BAZ1A: variants seen among roughly 807,000 people sequenced by gnomAD.
The protein encoded by BAZ1A is bromodomain adjacent to zinc finger domain 1A.
In BAZ1A, 50 loss-of-function variants were observed where a neutral mutation model predicts 185.2. The ratio of observed to expected loss-of-function variants is 0.27; its 90% CI spans 0.22 to 0.34. The LOEUF (loss-of-function observed/expected upper bound fraction) is 0.34. Among genes scored for constraint, BAZ1A ranks in the 10% least tolerant of loss-of-function variants. The pLI, the probability that BAZ1A is intolerant of heterozygous loss-of-function variation, is 1.00. For missense variants in BAZ1A, 1,356 were observed against 1,839.9 expected, an observed-to-expected ratio of 0.74 and a Z score of 4.81; for synonymous variants, 571 against 615.6, an observed-to-expected ratio of 0.93 and a Z score of 1.07.
At chr14:34,768,089 A>G (rs1878970224) in intron 21 of BAZ1A, among the ~76,000 whole-genome samples, 1 of 152,162 alleles carries the variant, frequency 6.6e-6, no homozygotes, top group Admixed American at 6.5e-5. Flanking sequence ...CTTTCCCCCC[A>G]GATTACACAA....
In BAZ1A at chr14:34,862,221, T is replaced by C; in HGVS notation, c.215A>G (p.Lys72Arg). The C allele has an allele frequency of 6.2e-7, 1 of 1,614,184 alleles. No homozygotes were observed. The highest frequency in any genetic ancestry group is 8.5e-7 in the Non-Finnish European group (1 of 1,180,032). Residue 72 changes from lysine to arginine, a missense_variant, in exon 3 of 27, where the codon AAA (lysine) becomes AGA (arginine). Lys to Arg is a conservative substitution (Grantham distance 26). Around this residue, in one of 7 missense-constraint regions of BAZ1A, gnomAD observed 332 missense variants for 395.3 expected, o/e 0.84. Transcript: ENST00000360310. ...ACTCTGAAGATTCTGTCTTGCTTTT[T>C]TTTCTGACTCAAGTGCTTCCTGATA... ...LTYQEALESE[K>R]KARQNLQSFP... is the part of the protein sequence containing the mutation.
chr14:34,773,132 A>G lies in BAZ1A; in HGVS notation c.3152+440T>C, dbSNP rs185603782. 6.8e-3 allele frequency among the ~76,000 whole-genome samples: 1,041 copies of G among 152,028 alleles called. 13 individuals are homozygous for G. Among genetic ancestry groups the G allele is most frequent in the African/African-American group, 0.024 (1,000 of 41,494 alleles). On this transcript the variant is annotated intron_variant, in intron 20 of 26. Transcript: ENST00000360310. ...ACTATGTTGCCCAGGCTGGTCTCCA[A>G]CTCCCGGCCTCAAGTGATCCTCCTG...
intron 3 of BAZ1A, chr14:34,828,432 G>A (rs1454637003): frequency 6.6e-6 from 1 of 151,892 alleles, no homozygotes; most frequent in African/African-American, 2.4e-5. Context: ...GAAACCATGA[G>A]TCTACTATGA....
chr14:34,868,245 C>A (rs2042893313), intron 2 of BAZ1A, among the ~76,000 whole-genome samples: 1 of 152,084 alleles, frequency 6.6e-6, no homozygotes, highest in African/African-American at 2.4e-5. Flanking sequence ...GTACAAGAGA[C>A]CCTATGGCCA....
At chr14:34,840,571 C>T (rs989895073) in intron 3 of BAZ1A, among the ~76,000 whole-genome samples, 1 of 152,060 alleles carries the variant, frequency 6.6e-6, no homozygotes, top group Non-Finnish European at 1.5e-5. Flanking sequence ...CTAGCCTGAC[C>T]AGCGTGGTGA....
At chr14:34,778,675 T>C (rs754993150) in intron 17 of BAZ1A, among the ~76,000 whole-genome samples, 4 of 152,186 alleles carry the variant, frequency 2.6e-5, no homozygotes, top group Non-Finnish European at 4.4e-5. Context: ...TTCAAATTCA[T>C]CAAAAATTGT....
intron 2 of BAZ1A, among the ~76,000 whole-genome samples, chr14:34,867,804 C>T (rs1346520592): frequency 6.6e-6 from 1 of 152,226 alleles, no homozygotes; most frequent in Admixed American, 6.5e-5. Context: ...TCTAACATTA[C>T]ACACCTTCAC....
chr14:34,842,585 C>T (rs1329710130), intron 3 of BAZ1A, among the ~76,000 whole-genome samples: 3 of 152,144 alleles, frequency 2.0e-5, no homozygotes, highest in Admixed American at 6.5e-5. Flanking sequence ...AATCTGACCA[C>T]GCTTTGACAA....
intron 2 of BAZ1A, among the ~76,000 whole-genome samples, chr14:34,867,747 G>C (rs537241901): frequency 1.4e-4 from 21 of 152,268 alleles, no homozygotes; most frequent in African/African-American, 3.9e-4. Flanking sequence ...AAAAGTCCAA[G>C]GGTCATCTCT....
At position 34,860,337 on chromosome 14, in the gene BAZ1A, G is replaced by A. The variant is rs549758373; in HGVS notation, c.392+1707C>T. On this transcript the variant is annotated intron_variant, in intron 3 of 26. Coordinates refer to ENST00000360310, the MANE Select transcript of BAZ1A (RefSeq NM_013448.3). ...TGCTGGGGCAACATGGTGAAACCCC[G>A]TCTCTACAAAAAATACAAAAATGAG... Among the ~76,000 whole-genome samples, 38 of 151,346 alleles carry A rather than the reference G, an allele frequency of 2.5e-4. 1 individual carries two copies. The East Asian group carries it at 6.9e-3, about 27-fold the overall frequency.
At chr14:34,792,641 T>C (rs768299573) in intron 12 of BAZ1A, 134 bp downstream of exon 12, 61 of 1,031,974 alleles carry the variant, frequency 5.9e-5, no homozygotes, top group East Asian at 7.8e-5. Context: ...TGTTAGCATA[T>C]GATTCAACAT....
chr14:34,758,945 T>TA, intron 24 of BAZ1A, 99 bp from the exon 25 acceptor site: 1 of 1,227,322 alleles, frequency 8.1e-7, no homozygotes, highest in Non-Finnish European at 1.1e-6. Flanking sequence ...CAACAGAAAA[T>TA]AGACACTCCG....
intron 3 of BAZ1A, among the ~76,000 whole-genome samples, chr14:34,859,383 C>T (rs2042732958): frequency 6.7e-6 from 1 of 149,316 alleles, no homozygotes; most frequent in Non-Finnish European, 1.5e-5. Context: ...GCAGTGAGTT[C>T]TGATTGTACC....
At chr14:34,769,924 T>C (rs1368104378) in intron 21 of BAZ1A, among the ~76,000 whole-genome samples, 2 of 152,216 alleles carry the variant, frequency 1.3e-5, no homozygotes, top group East Asian at 3.8e-4. Context: ...TCTGCTATCT[T>C]TGGGAGCTGT....
intron 26 of BAZ1A, 67 bp from the exon 27 acceptor site, chr14:34,753,771 T>G: frequency 3.2e-6 from 4 of 1,268,778 alleles, no homozygotes; most frequent in Non-Finnish European, 4.2e-6. Flanking sequence ...ATAATTCTTG[T>G]ATCATATCTG....
chr14:34,841,198 C>T (rs1305813672), intron 3 of BAZ1A, among the ~76,000 whole-genome samples: 1 of 152,104 alleles, frequency 6.6e-6, no homozygotes, highest in Non-Finnish European at 1.5e-5. Context: ...TGTTAACTGA[C>T]TCACTAACTG....
intron 4 of BAZ1A, among the ~76,000 whole-genome samples, chr14:34,823,409 C>A (rs965084178): frequency 6.6e-6 from 1 of 151,554 alleles, no homozygotes; most frequent in African/African-American, 2.4e-5. Context: ...CCTGTAATCC[C>A]AGCACTTTGG....
At chr14:34,799,739 G>A (rs182398236) in intron 9 of BAZ1A, among the ~76,000 whole-genome samples, 11 of 151,754 alleles carry the variant, frequency 7.2e-5, no homozygotes, top group African/African-American at 1.9e-4. Context: ...AGCCTCCTTC[G>A]TAGTTGGGAT....
intron 4 of BAZ1A, among the ~76,000 whole-genome samples, chr14:34,811,665 T>G (rs1162891629): frequency 6.6e-6 from 1 of 152,102 alleles, no homozygotes; most frequent in African/African-American, 2.4e-5. Flanking sequence ...AAGTTACTGA[T>G]CCCTGCCTCC....
Sources: gnomAD v4.1 joint callset for allele counts (sites outside exome capture counted in the v4.1 genomes callset) on GRCh38, gnomAD v4.1.1 for gene constraint, gnomAD v4.1.1 regional missense constraint, MANE v1.5 for transcripts, NCBI Gene and HGNC (gene_info 2026-07-23, HGNC 2026-07-21) for gene names.